IRS2: variants seen among roughly 807,000 people sequenced by gnomAD.
The protein encoded by IRS2 is insulin receptor substrate 2.
In IRS2, 28 loss-of-function variants were observed where a neutral mutation model predicts 70.9. That is an observed-to-expected ratio of 0.39 (90% CI 0.29 to 0.54). The LOEUF is 0.54. Ranked by LOEUF, IRS2 falls within the 20% of genes least tolerant of loss-of-function variation. IRS2 has a pLI of 0.59. For synonymous variants in IRS2, 1,217 were observed against 981.9 expected (o/e 1.24, Z -4.48); for missense variants, 2,081 against 2,024.1 (o/e 1.03, Z -0.54).
chr13:109,779,349 A>G (rs751007035), intron 1 of IRS2, among the ~76,000 whole-genome samples: 2 of 152,244 alleles, frequency 1.3e-5, no homozygotes, highest in Non-Finnish European at 2.9e-5. Context: ...GGGGCCGCCC[A>G]GGAAGTGCTT....
chr13:109,784,544 C>A lies in IRS2; in HGVS notation c.1510G>T (p.Gly504Cys), dbSNP rs554521999. Residue 504 changes from glycine to cysteine, a missense_variant, in exon 1 of 2, where the codon GGC becomes TGC. Coordinates refer to ENST00000375856, the MANE Select transcript of IRS2 (RefSeq NM_003749.3). This position sits in a 1 kb window ranked among gnomAD's most constrained non-coding sequence, Gnocchi z 5.2. ...DPGFMSLDEY[G>C]SSPGDLRAFC... Reference sequence around the variant, plus strand: ...GCGCGCAGGTCGCCTGGGCTGGAGCCGTACTCGTCCAGGGACATGAAGCCG... The same window carrying A: ...GCGCGCAGGTCGCCTGGGCTGGAGCAGTACTCGTCCAGGGACATGAAGCCG... 319 of 1,494,644 alleles carry A rather than the reference C, an allele frequency of 2.1e-4. 1 individual carries two copies. The South Asian group carries it at 3.8e-3, about 18-fold the overall frequency. 92.6% of individuals were successfully genotyped at this position (1,494,644 alleles called of 1,614,324 possible). A position where few individuals can be genotyped will look rare whatever the true frequency, so the allele number is the denominator to read the frequency against.
intron 1 of IRS2, among the ~76,000 whole-genome samples, chr13:109,769,930 A>T (rs1178259333): frequency 6.6e-6 from 1 of 152,156 alleles, no homozygotes; most frequent in Admixed American, 6.5e-5. Flanking sequence ...TCTGCCCCCA[A>T]CTTTCTACCT....
intron 1 of IRS2, among the ~76,000 whole-genome samples, chr13:109,779,436 T>C (rs1877649014): frequency 6.6e-6 from 1 of 152,258 alleles, no homozygotes; most frequent in African/African-American, 2.4e-5. Flanking sequence ...ACTGATCTAC[T>C]GTGAACTCTG....
intron 1 of IRS2, among the ~76,000 whole-genome samples, chr13:109,765,502 C>A (rs1877316980): frequency 6.9e-6 from 1 of 145,474 alleles, no homozygotes; most frequent in Non-Finnish European, 1.5e-5. Flanking sequence ...TCCAACTCCC[C>A]ACCAAGCATG....
At chr13:109,767,012 C>A (rs1877349948) in intron 1 of IRS2, among the ~76,000 whole-genome samples, 1 of 152,234 alleles carries the variant, frequency 6.6e-6, no homozygotes, top group East Asian at 1.9e-4. Context: ...TTTTCCAATG[C>A]TCATGGGCTG....
In IRS2 at chr13:109,756,157, A is replaced by G. The variant is rs1566403673; in HGVS notation, c.*147T>C. On this transcript the variant is annotated 3_prime_UTR_variant, in exon 2 of 2. Transcript: ENST00000375856. ...CCTTGCCTTGTTGGTGCCTCATCTA[A>G]CAGAGTCCACAGATGTTTCCAAACA... is the stretch of plus-strand genomic sequence containing the variant. 9.6e-6 allele frequency: 7 copies of G among 731,138 alleles called. No homozygotes were observed. The highest frequency in any genetic ancestry group is 1.7e-5 in the Non-Finnish European group (7 of 407,164). The allele number at this position is 731,138 out of a possible 1,614,324, so 45.3% of individuals were successfully genotyped here.
Position 109,755,052 on chromosome 13 carries a change from A to G in IRS2, c.*1252T>C. 4.4e-6 allele frequency: 1 copy of G among 228,916 alleles called. No individual in the cohort carries two copies. Among genetic ancestry groups the G allele is most frequent in the East Asian group, 6.2e-5 (1 of 16,090 alleles). The allele number at this position is 228,916 out of a possible 1,614,324, so 14.2% of individuals were successfully genotyped here. ...TTAGGTAACATCTGCGAGAACTGCC[A>G]CACACTGGTATTTTCAGAATACTGA... On this transcript the variant is annotated 3_prime_UTR_variant, in exon 2 of 2. Transcript: ENST00000375856.
At chr13:109,763,060 G>A (rs1435413920) in intron 1 of IRS2, among the ~76,000 whole-genome samples, 1 of 152,160 alleles carries the variant, frequency 6.6e-6, no homozygotes, top group Non-Finnish European at 1.5e-5. Context: ...AAGCAGAGTG[G>A]AGCAGCTGTG....
At position 109,785,000 on chromosome 13, in the gene IRS2, G is replaced by T; in HGVS notation, c.1054C>A (p.Pro352Thr). ...SRTDSLAATP[P>T]AAKCSSCRVR... ...CGGCACGAGCTGCACTTGGCCGCCG[G>T]CGGGGTGGCGGCCAGGCTGTCGGTG... The change falls in exon 1 of 2, where the codon CCG (proline) becomes ACG (threonine). Residue 352 changes from proline (P) to threonine (T), a missense_variant. Around this residue, in one of 4 missense-constraint regions of IRS2, gnomAD observed 111 missense variants for 133.1 expected, o/e 0.83. Transcript: ENST00000375856. The surrounding 1 kb of genome is among the most constrained non-coding windows in gnomAD (Gnocchi z 5.2). 2 of 1,408,296 alleles carry T rather than the reference G, an allele frequency of 1.4e-6. No homozygotes were observed. The highest frequency in any genetic ancestry group is 3.0e-5 in the African/African-American group (2 of 66,022). 87.2% of individuals were successfully genotyped at this position (1,408,296 alleles called of 1,614,324 possible).
At position 109,783,571 on chromosome 13, in the gene IRS2, G is replaced by T. The variant is rs774519000; in HGVS notation, c.2483C>A (p.Ser828Tyr). 5.2e-6 allele frequency: 8 copies of T among 1,548,948 alleles called. No individual in the cohort carries two copies. In the East Asian group the frequency reaches 2.0e-4, roughly 38 times the overall value. Residue 828 changes from serine (S) to tyrosine (Y), a missense_variant, in exon 1 of 2, where the codon TCC becomes TAC. By Grantham distance (144) the Ser-to-Tyr change is moderately radical. Coordinates refer to ENST00000375856, the MANE Select transcript of IRS2 (RefSeq NM_003749.3). ...GDSDQYVLMS[S>Y]PVGRILEEER... ...CTCCTCCAGGATGCGCCCCACGGGG[G>T]AGCTCATGAGCACGTACTGGTCGCT... is the stretch of plus-strand genomic sequence containing the variant.
chr13:109,781,339 G>A (rs1877693053), intron 1 of IRS2, among the ~76,000 whole-genome samples: 1 of 152,178 alleles, frequency 6.6e-6, no homozygotes, highest in South Asian at 2.1e-4. Flanking sequence ...ACAGGCCAGA[G>A]ATCCATGTTT....
chr13:109,783,337 T>C lies in IRS2; in HGVS notation c.2717A>G (p.Glu906Gly), dbSNP rs2138932313. The C allele has an allele frequency of 6.4e-7, 1 of 1,558,900 alleles. No homozygotes were observed. Among genetic ancestry groups the C allele is most frequent in the Non-Finnish European group, 8.6e-7 (1 of 1,161,696 alleles). The change falls in exon 1 of 2, where the codon GAG becomes GGG. Residue 906 changes from glutamate to glycine, a missense_variant. Transcript: ENST00000375856. ...EGLPSLPSMH[E>G]YPLPPEPKSP... is the part of the protein sequence containing the mutation. ...CTTGGGCTCCGGTGGCAGTGGGTAC[T>C]CGTGCATGCTGGGCAGGCTGGGCAG...
chr13:109,784,746 C>A lies in IRS2; in HGVS notation c.1308G>T (p.Ala436=), dbSNP rs1253097078. ...QHSRSMSMPV[A]HSPPAATSPG... ...GGCTGGTGGCGGCGGGCGGCGAGTG[C>A]GCCACGGGCATGGACATGGAGCGGC... The change falls in exon 1 of 2, where the codon GCG becomes GCT. Residue 436 remains alanine (A), a synonymous_variant. Coordinates refer to ENST00000375856, the MANE Select transcript of IRS2 (RefSeq NM_003749.3). The surrounding 1 kb of genome is among the most constrained non-coding windows in gnomAD (Gnocchi z 5.2). 4 of 1,232,442 alleles carry A rather than the reference C, an allele frequency of 3.2e-6. No homozygotes were observed. Among genetic ancestry groups the A allele is most frequent in the African/African-American group, 1.6e-5 (1 of 63,374 alleles). 76.3% of individuals were successfully genotyped at this position (1,232,442 alleles called of 1,614,324 possible).
chr13:109,782,629 C>G lies in IRS2; in HGVS notation c.3425G>C (p.Gly1142Ala). 1 of 1,573,834 alleles carries G rather than the reference C, an allele frequency of 6.4e-7. No homozygotes were observed. The highest frequency in any genetic ancestry group is 8.6e-7 in the Non-Finnish European group (1 of 1,161,560). The change falls in exon 1 of 2, where the codon GGG (glycine) becomes GCG (alanine). Residue 1142 changes from glycine (G) to alanine (A), a missense_variant. This residue lies in a region of IRS2 where 1,615 missense variants were observed against 1,459.5 expected (regional missense o/e 1.11). Transcript: ENST00000375856. ...CTCGGAACTGTGGCGGCGGCGGCCC[C>G]CCTGCGGGTCTGCGCGGATGACCTT... ...GAKVIRADPQGGRRRHSSETF... is the reference protein window; with the variant it reads ...GAKVIRADPQAGRRRHSSETF...
rs768286624 is a variant in IRS2, at chr13:109,785,295, G to A, written c.759C>T (p.Ser253=). 2.4e-4 allele frequency: 379 copies of A among 1,609,300 alleles called. No homozygotes were observed. Among genetic ancestry groups the A allele is most frequent in the Non-Finnish European group, 3.0e-4 (356 of 1,178,650 alleles). The change falls in exon 1 of 2, where the codon AGC becomes AGT. Residue 253 remains serine, a synonymous_variant. Transcript: ENST00000375856. This position sits in a 1 kb window ranked among gnomAD's most constrained non-coding sequence, Gnocchi z 9.3. ...MNIRRCGHSD[S]FFFIEVGRSA... ...AGCGGCCCACCTCGATGAAGAAGAA[G>A]CTGTCCGAGTGGCCGCAGCGGCGGA...
chr13:109,783,663 G>C lies in IRS2; in HGVS notation c.2391C>G (p.Gly797=), dbSNP rs1259421571. The C allele has an allele frequency of 2.6e-6, 4 of 1,556,184 alleles. No homozygotes were observed. The African/African-American group carries it at 4.1e-5, about 16-fold the overall frequency. ...ALHPGGEPLR[G]VPGCCYSSLP... Reference sequence around the variant, plus strand: ...AGGAGCTGTAGCAGCAGCCGGGAACGCCCCTGAGCGGCTCCCCGCCGGGGT... The same window carrying C: ...AGGAGCTGTAGCAGCAGCCGGGAACCCCCCTGAGCGGCTCCCCGCCGGGGT... Residue 797 remains glycine (G), a synonymous_variant, in exon 1 of 2, where the codon GGC becomes GGG. Transcript: ENST00000375856.
At chr13:109,767,560 C>T (rs1478864319) in intron 1 of IRS2, among the ~76,000 whole-genome samples, 1 of 152,002 alleles carries the variant, frequency 6.6e-6, no homozygotes, top group Non-Finnish European at 1.5e-5. Flanking sequence ...AGAGATGTAA[C>T]TTTCTAACCA....
Position 109,782,190 on chromosome 13 carries a change from T to A in IRS2, c.3864A>T (p.Arg1288=), listed in dbSNP as rs1877723082. The change falls in exon 1 of 2, where the codon CGA becomes CGT. Residue 1288 remains arginine (R), a synonymous_variant. Transcript: ENST00000375856. ...CAGCGCTGATGAGACCCCCGAGGCT[T>A]CGGGTCCGGCCCCAGGAGCTCTTGT... is the stretch of plus-strand genomic sequence containing the variant. ...PGDKSSWGRT[R]SLGGLISAVG... The A allele has an allele frequency of 1.9e-6, 3 of 1,605,784 alleles. No homozygotes were observed. Among genetic ancestry groups the A allele is most frequent in the Non-Finnish European group, 1.7e-6 (2 of 1,176,438 alleles).
Position 109,785,623 on chromosome 13 carries a change from C to G in IRS2, c.431G>C (p.Ser144Thr), listed in dbSNP as rs994486330. ...GTCTCCGGCGGCCGCGCGGCCCTCG[C>G]TGACCAGGTCGGTGAGCGCGCGGTA... Reference protein sequence around the residue: ...GWYRALTDLVSEGRAAAGDAP... With the variant: ...GWYRALTDLVTEGRAAAGDAP... The change falls in exon 1 of 2, where the codon AGC becomes ACC. Residue 144 changes from serine (S) to threonine (T), a missense_variant. This residue lies in a region of IRS2 where 320 missense variants were observed against 352.9 expected (regional missense o/e 0.91). Transcript: ENST00000375856. This position sits in a 1 kb window ranked among gnomAD's most constrained non-coding sequence, Gnocchi z 9.3. The G allele has an allele frequency of 4.6e-5, 68 of 1,489,144 alleles. No individual in the cohort carries two copies. Among genetic ancestry groups the G allele is most frequent in the Non-Finnish European group, 5.8e-5 (65 of 1,121,250 alleles). The allele number at this position is 1,489,144 out of a possible 1,614,324, so 92.2% of individuals were successfully genotyped here.
Sources: allele counts gnomAD v4.1 joint callset (sites outside exome capture counted in the v4.1 genomes callset), GRCh38; gene constraint gnomAD v4.1.1; regional missense constraint gnomAD v4.1.1; non-coding constraint Gnocchi (gnomAD v3.1); transcripts MANE v1.5; gene names NCBI Gene and HGNC (gene_info 2026-07-23, HGNC 2026-07-21).